The following EPM2A variants were observed in gnomAD, a reference collection of about 807,000 sequenced individuals.
EPM2A encodes the protein laforin.
A neutral mutation model predicts 26.5 loss-of-function variants in EPM2A; 21 were observed. The ratio of observed to expected loss-of-function variants is 0.79; its 90% CI spans 0.56 to 1.14. EPM2A has a LOEUF of 1.14. Among genes scored for constraint, EPM2A ranks in the 50% most tolerant of loss-of-function variants. The pLI, the probability that EPM2A is intolerant of heterozygous loss-of-function variation, is 0.00. For synonymous variants in EPM2A, 217 were observed against 177.6 expected (o/e 1.22, Z -1.76); for missense variants, 458 against 440.8 (o/e 1.04, Z -0.35).
chr6:145,435,085 C>T (rs1054053868), intron 4 of EPM2A, among the ~76,000 whole-genome samples: 1 of 152,032 alleles, frequency 6.6e-6, no homozygotes, highest in Admixed American at 6.6e-5. Context: ...CGATACTGGC[C>T]CCATGCTTGT....
chr6:145,464,313 A>C (rs1779360395), intron 4 of EPM2A, among the ~76,000 whole-genome samples: 1 of 152,128 alleles, frequency 6.6e-6, no homozygotes, highest in Non-Finnish European at 1.5e-5. Context: ...AGCCATGCAG[A>C]GCTGTAAGTC....
At chr6:145,509,693 T>C (rs1025141062) in intron 2 of EPM2A, among the ~76,000 whole-genome samples, 3 of 152,118 alleles carry the variant, frequency 2.0e-5, no homozygotes, top group Non-Finnish European at 4.4e-5. Flanking sequence ...ACAAATCAAT[T>C]AGCTAAAAGC....
chr6:145,690,383 G>A (rs529421666), intron 1 of EPM2A, among the ~76,000 whole-genome samples: 35 of 151,526 alleles, frequency 2.3e-4, no homozygotes, highest in African/African-American at 6.8e-4. Flanking sequence ...GGTGGCGGGC[G>A]CCTGTAGTCC....
At chr6:145,535,145 C>A (rs138767004) in intron 2 of EPM2A, among the ~76,000 whole-genome samples, 2 of 152,290 alleles carry the variant, frequency 1.3e-5, no homozygotes, top group East Asian at 3.9e-4. Context: ...CCAAGCCAGT[C>A]AACAGCCGCA....
intron 2 of EPM2A, among the ~76,000 whole-genome samples, chr6:145,526,862 G>A (rs1203642039): frequency 6.6e-6 from 1 of 151,890 alleles, no homozygotes; most frequent in Non-Finnish European, 1.5e-5. Context: ...AGCTCCTCTA[G>A]TTGTGATATT....
intron 3 of EPM2A, among the ~76,000 whole-genome samples, chr6:145,632,726 T>C (rs1339348552): frequency 1.3e-5 from 2 of 152,214 alleles, no homozygotes; most frequent in African/African-American, 4.8e-5. Context: ...CAACTGGGTT[T>C]TTCTCTAGAG....
intron 4 of EPM2A, among the ~76,000 whole-genome samples, chr6:145,409,900 T>A (rs952275482): frequency 6.6e-6 from 1 of 152,228 alleles, no homozygotes; most frequent in Non-Finnish European, 1.5e-5. Flanking sequence ...TGATGACATG[T>A]CTTCCAAGTG....
intron 2 of EPM2A, among the ~76,000 whole-genome samples, chr6:145,545,075 T>C (rs1365645261): frequency 6.6e-6 from 1 of 152,208 alleles, no homozygotes; most frequent in Non-Finnish European, 1.5e-5. Flanking sequence ...TAAGTATCTC[T>C]GAAGTCTATG....
At chr6:145,717,498 C>T (rs1184740682) in intron 1 of EPM2A, among the ~76,000 whole-genome samples, 1 of 152,164 alleles carries the variant, frequency 6.6e-6, no homozygotes, top group Non-Finnish European at 1.5e-5. Flanking sequence ...ATGACATACC[C>T]ACAGCTAATA....
intron 4 of EPM2A, among the ~76,000 whole-genome samples, chr6:145,407,540 AT>A: frequency 6.6e-6 from 1 of 152,326 alleles, no homozygotes; most frequent in South Asian, 2.1e-4. Flanking sequence ...ATGTAAGAAA[AT>A]TACCAGCTTT....
At chr6:145,541,849 C>T (rs144137010) in intron 2 of EPM2A, among the ~76,000 whole-genome samples, 57 of 152,130 alleles carry the variant, frequency 3.7e-4, no homozygotes, top group Non-Finnish European at 7.4e-4. Context: ...ATTTCTGTAC[C>T]TTGAAAGGCA....
At chr6:145,520,194 C>G (rs189977788) in intron 2 of EPM2A, among the ~76,000 whole-genome samples, 1 of 152,280 alleles carries the variant, frequency 6.6e-6, no homozygotes, top group Admixed American at 6.5e-5. Context: ...TTCTTTTTCT[C>G]ATAATTAAAA....
intron 2 of EPM2A, among the ~76,000 whole-genome samples, chr6:145,608,951 T>C (rs1775331156): frequency 6.6e-6 from 1 of 152,140 alleles, no homozygotes. Context: ...CTCAGGAAAT[T>C]GTTTATTTGA....
chr6:145,457,453 C>T (rs1321718844), intron 4 of EPM2A, among the ~76,000 whole-genome samples: 9 of 143,858 alleles, frequency 6.3e-5, no homozygotes, highest in African/African-American at 2.1e-4. Flanking sequence ...CACTGCACCT[C>T]AGCCTGGGCA....
intron 2 of EPM2A, among the ~76,000 whole-genome samples, chr6:145,606,144 A>T: frequency 6.6e-6 from 1 of 152,026 alleles, no homozygotes; most frequent in Admixed American, 6.6e-5. Flanking sequence ...AAACCAGAAA[A>T]GTTTTACTCC....
At chr6:145,557,908 G>A (rs933877463) in intron 2 of EPM2A, among the ~76,000 whole-genome samples, 5 of 152,008 alleles carry the variant, frequency 3.3e-5, no homozygotes, top group East Asian at 3.9e-4. Flanking sequence ...TCCAGCCCCC[G>A]GTAACCAGCA....
intron 1 of EPM2A, among the ~76,000 whole-genome samples, chr6:145,731,074 G>GT (rs1023199795): frequency 6.1e-5 from 9 of 146,800 alleles, no homozygotes; most frequent in African/African-American, 1.3e-4. Context: ...AGACCTAGAG[G>GT]TAAAAAAAAA....
chr6:145,623,576 G>A (rs762228226), downstream of EPM2A, among the ~76,000 whole-genome samples: 2 of 152,208 alleles, frequency 1.3e-5, no homozygotes, highest in African/African-American at 2.4e-5. Context: ...TGACCAGATT[G>A]TACAGGACCT....
intron 2 of EPM2A, among the ~76,000 whole-genome samples, chr6:145,552,258 C>G (rs1304318610): frequency 6.6e-6 from 1 of 151,844 alleles, no homozygotes; most frequent in Non-Finnish European, 1.5e-5. Context: ...GCCAATACAT[C>G]TCAAGTAGAA....
Sources: allele counts gnomAD v4.1 joint callset (sites outside exome capture counted in the v4.1 genomes callset), GRCh38; gene constraint gnomAD v4.1.1; transcripts MANE v1.5; gene names NCBI Gene and HGNC (gene_info 2026-07-23, HGNC 2026-07-21).